LPP: variants seen among roughly 807,000 people sequenced by gnomAD.
The protein encoded by LPP is LIM domain containing preferred translocation partner in lipoma.
LPP carries 38 observed loss-of-function variants against 60.4 expected under a neutral mutation model. The ratio of observed to expected loss-of-function variants is 0.63; its 90% CI spans 0.49 to 0.83. The LOEUF (loss-of-function observed/expected upper bound fraction) is 0.83. LPP is among the 40% of genes least tolerant of loss of function. The probability of loss-of-function intolerance (pLI) is 0.00; values close to 1 mark genes in which losing one functional copy is unlikely to be tolerated. For missense variants in LPP, 902 were observed against 783.6 expected (o/e 1.15, Z -1.80); for synonymous variants, 328 against 290.8 (o/e 1.13, Z -1.30).
chr3:188,811,771 C>T (rs1315400749), intron 9 of LPP, among the ~76,000 whole-genome samples: 1 of 152,046 alleles, frequency 6.6e-6, no homozygotes, highest in Non-Finnish European at 1.5e-5. Context: ...TTAATGAGAT[C>T]TCTCAGTTAC....
intron 2 of LPP, among the ~76,000 whole-genome samples, chr3:188,226,090 C>T (rs1408249122): frequency 3.3e-5 from 5 of 152,110 alleles, no homozygotes; most frequent in African/African-American, 4.8e-5. Flanking sequence ...CTCACTGCAA[C>T]CTCCACCTCC....
At chr3:188,560,490 C>G (rs1830423282) in intron 6 of LPP, among the ~76,000 whole-genome samples, 1 of 152,058 alleles carries the variant, frequency 6.6e-6, no homozygotes, top group Non-Finnish European at 1.5e-5. Flanking sequence ...AAGTGGGTTC[C>G]AGTAGTCCTG....
chr3:188,417,861 T>A (rs2148997066), intron 4 of LPP, among the ~76,000 whole-genome samples: 1 of 152,320 alleles, frequency 6.6e-6, no homozygotes, highest in East Asian at 1.9e-4. Flanking sequence ...TTTTTTTACC[T>A]AGTCAAACAC....
intron 6 of LPP, among the ~76,000 whole-genome samples, chr3:188,552,700 T>G (rs1429849991): frequency 1.3e-5 from 2 of 152,180 alleles, no homozygotes; most frequent in Non-Finnish European, 2.9e-5. Flanking sequence ...TGACCACTCT[T>G]TCATAGTCAT....
intron 6 of LPP, among the ~76,000 whole-genome samples, chr3:188,571,070 G>A (rs555554798): frequency 6.6e-6 from 1 of 152,142 alleles, no homozygotes; most frequent in South Asian, 2.1e-4. Context: ...CTTAAAAAAG[G>A]AGAAGAGATA....
intron 7 of LPP, among the ~76,000 whole-genome samples, chr3:188,658,485 C>T (rs567337572): frequency 6.6e-5 from 10 of 152,228 alleles, no homozygotes; most frequent in South Asian, 6.2e-4. Context: ...CTAAAACAAA[C>T]GACATACCCT....
chr3:188,166,373 C>T (rs977037108), intron 1 of LPP, among the ~76,000 whole-genome samples: 1 of 152,112 alleles, frequency 6.6e-6, no homozygotes, highest in Non-Finnish European at 1.5e-5. Context: ...ACAACCATTT[C>T]GTTGCCAATA....
chr3:188,830,100 G>C (rs1756740108), intron 9 of LPP, among the ~76,000 whole-genome samples: 1 of 151,902 alleles, frequency 6.6e-6, no homozygotes, highest in Non-Finnish European at 1.5e-5. Flanking sequence ...AATAAGCTCT[G>C]TGAAAATATA....
At position 188,858,798 on chromosome 3, in the gene LPP, A is replaced by G. The variant is rs563329803; in HGVS notation, c.1411-7402A>G. On this transcript the variant is annotated intron_variant, in intron 9 of 11. Coordinates refer to ENST00000617246, the MANE Select transcript of LPP (RefSeq NM_001375462.1). ...AGGTTTTGTCTGTGCTAGTTAAAAC[A>G]TGGATGTTCGGCCGGGCGTGGTGGC... Among the ~76,000 whole-genome samples, 78 of 152,266 alleles carry G rather than the reference A, an allele frequency of 5.1e-4. 1 individual carries two copies. The highest frequency in any genetic ancestry group is 1.9e-3 in the African/African-American group (78 of 41,578).
At position 188,495,082 on chromosome 3, in the gene LPP, AT is replaced by A. The variant is rs373434961; in HGVS notation, c.306+10382del. 2.1e-4 allele frequency among the ~76,000 whole-genome samples: 20 copies of A among 97,202 alleles called. 1 individual carries two copies. The highest frequency in any genetic ancestry group is 6.4e-4 in the Admixed American group (5 of 7,818). The allele number at this position is 97,202 out of a possible 152,430, so 63.8% of individuals were successfully genotyped here. On this transcript the variant is annotated intron_variant, in intron 5 of 11. Coordinates refer to ENST00000617246, the MANE Select transcript of LPP (RefSeq NM_001375462.1). ...CAGGATTTTATATATATATATATAT[AT>A]TTTATTTATATTTTATTATATATTT...
At chr3:188,498,683 A>G (rs1055241962) in intron 5 of LPP, among the ~76,000 whole-genome samples, 3 of 152,128 alleles carry the variant, frequency 2.0e-5, no homozygotes, top group African/African-American at 7.2e-5. Flanking sequence ...CCCAGAAGTG[A>G]ATTGCTAGAT....
intron 3 of LPP, among the ~76,000 whole-genome samples, chr3:188,396,484 G>C (rs1249569318): frequency 6.6e-6 from 1 of 152,174 alleles, no homozygotes; most frequent in Non-Finnish European, 1.5e-5. Context: ...AGCTGTCAGG[G>C]AAACACAGCT....
intron 5 of LPP, among the ~76,000 whole-genome samples, chr3:188,508,295 C>A (rs545564313): frequency 1.3e-5 from 2 of 152,058 alleles, no homozygotes; most frequent in African/African-American, 4.8e-5. Context: ...ATGGAAGAAT[C>A]CTTTGGAAAA....
Position 188,247,164 on chromosome 3 carries a change from CAGA to C in LPP, c.-67+21641_-67+21643del, listed in dbSNP as rs561322523. 15 of 984,708 alleles carry C rather than the reference CAGA, an allele frequency of 1.5e-5. No homozygotes were observed. In the East Asian group the frequency reaches 1.5e-3, roughly 97 times the overall value. 61.0% of individuals were successfully genotyped at this position (984,708 alleles called of 1,614,324 possible). ...TTCGGCATGAAGGCAAGGAACTGTC[CAGA>C]AGACCTCTGGAGAATTCTTCTTACC... On this transcript the variant is annotated intron_variant, in intron 2 of 11. Transcript: ENST00000617246.
intron 4 of LPP, among the ~76,000 whole-genome samples, chr3:188,410,550 G>T (rs531733783): frequency 1.5e-4 from 23 of 152,192 alleles, no homozygotes; most frequent in African/African-American, 5.5e-4. Context: ...TTTTTTCCCA[G>T]TTAGTAGCTC....
chr3:188,710,335 C>T (rs1008701886), intron 8 of LPP: 6 of 152,154 alleles, frequency 3.9e-5, no homozygotes, highest in Non-Finnish European at 7.3e-5. Context: ...CTCTGTCCCT[C>T]GCTGGCCAAG....
rs527305074 is a variant in LPP, at chr3:188,609,919, C to G, written c.1113+75C>G. ...GTCTGCCTTCCCCAGGAAGCGAAGC[C>G]TAAGGCAAAAGTGTGTGTGTTACTT... On this transcript the variant is annotated intron_variant, in intron 7 of 11. Coordinates refer to ENST00000617246, the MANE Select transcript of LPP (RefSeq NM_001375462.1). The surrounding 1 kb of genome is among the most constrained non-coding windows in gnomAD (Gnocchi z 6.9). 3.2e-5 allele frequency: 45 copies of G among 1,410,006 alleles called. No homozygotes were observed. The African/African-American group carries it at 5.8e-4, about 18-fold the overall frequency. 87.3% of individuals were successfully genotyped at this position (1,410,006 alleles called of 1,614,324 possible).
At chr3:188,213,961 AACACAC>A (rs59389556) in intron 1 of LPP, among the ~76,000 whole-genome samples, 126 of 130,404 alleles carry the variant, frequency 9.7e-4, no homozygotes, top group South Asian at 3.4e-3. Context: ...TTAGATTTTA[AACACAC>A]ACACACACAC....
At chr3:188,804,752 C>T (rs973040388) in intron 9 of LPP, among the ~76,000 whole-genome samples, 6 of 152,020 alleles carry the variant, frequency 3.9e-5, no homozygotes, top group Admixed American at 6.5e-5. Context: ...AAGTGGTGAA[C>T]ATGAACATTT....
Sources: allele counts gnomAD v4.1 joint callset (sites outside exome capture counted in the v4.1 genomes callset), GRCh38; gene constraint gnomAD v4.1.1; non-coding constraint Gnocchi (gnomAD v3.1); transcripts MANE v1.5; gene names NCBI Gene and HGNC (gene_info 2026-07-23, HGNC 2026-07-21).